The following PTGFRN variants were observed in gnomAD, a reference collection of about 807,000 sequenced individuals.
The protein encoded by PTGFRN is prostaglandin F2 receptor negative regulator.
A neutral mutation model predicts 83.2 loss-of-function variants in PTGFRN; 35 were observed. The observed-to-expected ratio is 0.42, with a 90% CI of 0.32 to 0.56. The LOEUF is 0.56. PTGFRN is among the 20% of genes least tolerant of loss of function. PTGFRN has a pLI of 0.11. For missense variants in PTGFRN, 1,051 were observed against 1,179.5 expected (o/e 0.89, Z 1.60); for synonymous variants, 519 against 498.6 (o/e 1.04, Z -0.55).
At chr1:116,940,338 T>A (rs1650029920) in intron 1 of PTGFRN, among the ~76,000 whole-genome samples, 1 of 152,218 alleles carries the variant, frequency 6.6e-6, no homozygotes, top group South Asian at 2.1e-4. Flanking sequence ...TGTAGACATA[T>A]CCACTTAATC....
At chr1:116,938,494 G>C (rs1474260438) in intron 1 of PTGFRN, among the ~76,000 whole-genome samples, 2 of 152,138 alleles carry the variant, frequency 1.3e-5, no homozygotes, top group African/African-American at 4.8e-5. Context: ...ATAACCATCA[G>C]ATCTCACGAG....
rs1650658133 is a variant in PTGFRN, at chr1:116,961,388, G to A, written c.1359G>A (p.Arg453=). 6.2e-7 allele frequency: 1 copy of A among 1,612,450 alleles called. No homozygotes were observed. Among genetic ancestry groups the A allele is most frequent in the African/African-American group, 1.3e-5 (1 of 74,856 alleles). The part of the protein sequence containing the change: ...FTVSWYYRMN[R]RSDNVVTSEL... ...TTTCGTGGTACTACAGGATGAACCG[G>A]CGCAGCGACAATGTGGTGACCAGCG... The change falls in exon 5 of 9, where the codon CGG becomes CGA. Residue 453 remains arginine (R), a synonymous_variant. Transcript: ENST00000393203. The surrounding 1 kb of genome is among the most constrained non-coding windows in gnomAD (Gnocchi z 5.4).
In PTGFRN at chr1:116,941,847, C is replaced by T. The variant is rs1557963384; in HGVS notation, c.182C>T (p.Ser61Leu). ...PSEQNFDWSF[S>L]SLGSSFVELA... ...GAGCAAAACTTTGACTGGAGCTTCT[C>T]ATCTTTGGGGAGCAGCTTTGTGGAG... Residue 61 changes from serine to leucine, a missense_variant, in exon 2 of 9, where the codon TCA becomes TTA. Ser to Leu is a moderately radical substitution (Grantham distance 145). Around this residue, in one of 3 missense-constraint regions of PTGFRN, gnomAD observed 127 missense variants for 168.4 expected, o/e 0.75. Transcript: ENST00000393203. The surrounding 1 kb of genome is among the most constrained non-coding windows in gnomAD (Gnocchi z 5.0). The T allele has an allele frequency of 3.7e-6, 6 of 1,614,052 alleles. No homozygotes were observed. The highest frequency in any genetic ancestry group is 4.2e-6 in the Non-Finnish European group (5 of 1,180,040).
intron 5 of PTGFRN, among the ~76,000 whole-genome samples, chr1:116,963,040 C>T (rs910631967): frequency 2.0e-5 from 3 of 152,170 alleles, no homozygotes; most frequent in South Asian, 2.1e-4. Context: ...CCCCTAGCTT[C>T]CTTCCCCTCT....
chr1:116,981,925 A>G (rs1270482091), intron 7 of PTGFRN, among the ~76,000 whole-genome samples: 3 of 152,218 alleles, frequency 2.0e-5, no homozygotes, highest in South Asian at 2.1e-4. Flanking sequence ...GGTAGGAAAC[A>G]GAAGGAGAGT....
intron 5 of PTGFRN, among the ~76,000 whole-genome samples, chr1:116,966,675 A>G (rs534841777): frequency 1.3e-5 from 2 of 152,378 alleles, no homozygotes; most frequent in East Asian, 1.9e-4. Context: ...AGTTCTCACC[A>G]TAATTTCCTC....
At position 116,949,278 on chromosome 1, in the gene PTGFRN, G is replaced by A. The variant is rs770830309; in HGVS notation, c.919G>A (p.Asp307Asn). Residue 307 changes from aspartate (D) to asparagine (N), a missense_variant, in exon 4 of 9, where the codon GAT becomes AAT. Physicochemically the swap from Asp to Asn is conservative, Grantham distance 23. This residue lies in a region of PTGFRN where 719 missense variants were observed against 836.6 expected (regional missense o/e 0.86). Transcript: ENST00000393203. ...LTCNITTDRA[D>N]DVRPEVTWSF... Reference sequence around the variant, plus strand: ...CTGTAACATCACAACAGACCGAGCCGATGACGTCCGGCCCGAGGTGACGTG... The same window carrying A: ...CTGTAACATCACAACAGACCGAGCCAATGACGTCCGGCCCGAGGTGACGTG... The A allele has an allele frequency of 4.3e-6, 7 of 1,614,118 alleles. No homozygotes were observed. The highest frequency in any genetic ancestry group is 1.6e-4 in the Middle Eastern group (1 of 6,084).
rs1441677595 is a variant in PTGFRN, at chr1:116,989,808, G to A, written c.*2841G>A. 7 of 152,580 alleles carry A rather than the reference G, an allele frequency of 4.6e-5. No homozygotes were observed. Among genetic ancestry groups the A allele is most frequent in the East Asian group, 1.9e-4 (1 of 5,190 alleles). The allele number at this position is 152,580 out of a possible 1,614,324, so 9.5% of individuals were successfully genotyped here. A position where few individuals can be genotyped will look rare whatever the true frequency, so the allele number is the denominator to read the frequency against. ...CTGGGCTAAATTTTAATTTAAAAAT[G>A]TATTTATTTGAGTGTCTTTCCCCCC... On this transcript the variant is annotated 3_prime_UTR_variant, in exon 9 of 9. Coordinates refer to ENST00000393203, the MANE Select transcript of PTGFRN (RefSeq NM_020440.4).
intron 6 of PTGFRN, among the ~76,000 whole-genome samples, chr1:116,972,589 C>G (rs897148383): frequency 3.9e-5 from 6 of 152,188 alleles, no homozygotes; most frequent in African/African-American, 1.4e-4. Context: ...TTGTTTCTTT[C>G]TGGCAATCTG....
chr1:116,957,233 G>A (rs779129162), intron 4 of PTGFRN, among the ~76,000 whole-genome samples: 7 of 151,918 alleles, frequency 4.6e-5, no homozygotes, highest in South Asian at 2.1e-4. Context: ...GGTTGTGAGC[G>A]TGCTGTAGTA....
intron 4 of PTGFRN, among the ~76,000 whole-genome samples, chr1:116,951,266 A>G (rs139092673): frequency 0.011 from 1,705 of 152,330 alleles, 92 homozygotes; most frequent in Admixed American, 0.1. Context: ...CTTTAACTGG[A>G]AGGGATTTGT....
rs549372760 is a variant in PTGFRN at position 116,986,856 on chromosome 1, C to T, written c.2529C>T (p.Ile843=). The part of the protein sequence containing the change: ...LLIGVGLSTV[I]GLLSCLIGYC... The stretch of plus-strand genomic sequence containing the variant: ...TCGGCGTCGGTCTGTCCACGGTCAT[C>T]GGGCTCCTGTCCTGTCTCATCGGGT... The change falls in exon 9 of 9, where the codon ATC becomes ATT. Residue 843 remains isoleucine, a synonymous_variant. Coordinates refer to ENST00000393203, the MANE Select transcript of PTGFRN (RefSeq NM_020440.4). 20 of 1,614,184 alleles carry T rather than the reference C, an allele frequency of 1.2e-5. No individual in the cohort carries two copies. The highest frequency in any genetic ancestry group is 8.8e-5 in the South Asian group (8 of 91,084).
chr1:116,986,926 C>T lies in PTGFRN; in HGVS notation c.2599C>T (p.Arg867Trp), dbSNP rs140355100. Residue 867 changes from arginine to tryptophan, a missense_variant, in exon 9 of 9, where the codon CGG becomes TGG. Arg to Trp is a moderately radical substitution (Grantham distance 101). Around this residue, in one of 3 missense-constraint regions of PTGFRN, gnomAD observed 719 missense variants for 836.6 expected, o/e 0.86. Transcript: ENST00000393203. Reference sequence around the variant, plus strand: ...TTGTAAGAAGGAGGTTCAGGAGACACGGCGCGAGCGCCGCAGGCTCATGTC... The same window carrying T: ...TTGTAAGAAGGAGGTTCAGGAGACATGGCGCGAGCGCCGCAGGCTCATGTC... ...WCCKKEVQET[R>W]RERRRLMSME... The T allele has an allele frequency of 6.5e-5, 105 of 1,614,124 alleles. No homozygotes were observed. The highest frequency in any genetic ancestry group is 4.9e-4 in the South Asian group (45 of 91,094).
Position 116,989,828 on chromosome 1 carries a change from C to G in PTGFRN, c.*2861C>G, listed in dbSNP as rs1219862083. ...AAAATGTATTTATTTGAGTGTCTTT[C>G]CCCCCCTCACCCTCACCATCTGAGG... is the stretch of plus-strand genomic sequence containing the variant. On this transcript the variant is annotated 3_prime_UTR_variant, in exon 9 of 9. Transcript: ENST00000393203. 6.6e-6 allele frequency: 1 copy of G among 152,438 alleles called. No homozygotes were observed. The highest frequency in any genetic ancestry group is 1.5e-5 in the Non-Finnish European group (1 of 67,972). 9.4% of individuals were successfully genotyped at this position (152,438 alleles called of 1,614,324 possible). A position where few individuals can be genotyped will look rare whatever the true frequency, so the allele number is the denominator to read the frequency against.
intron 1 of PTGFRN, among the ~76,000 whole-genome samples, chr1:116,915,567 G>A (rs191602106): frequency 3.9e-5 from 6 of 152,308 alleles, no homozygotes; most frequent in Non-Finnish European, 7.3e-5. Context: ...CTGCTGAATA[G>A]GAACTCTAGT....
chr1:116,966,363 A>G (rs1037259213), intron 5 of PTGFRN, among the ~76,000 whole-genome samples: 1 of 152,268 alleles, frequency 6.6e-6, no homozygotes, highest in Non-Finnish European at 1.5e-5. Flanking sequence ...TTTTAGCAAT[A>G]CATCTGTTCT....
intron 1 of PTGFRN, among the ~76,000 whole-genome samples, chr1:116,926,082 G>A (rs1223296328): frequency 1.3e-5 from 2 of 151,960 alleles, no homozygotes; most frequent in African/African-American, 4.8e-5. Flanking sequence ...AGTGTTGTTG[G>A]GGAGGAGGGG....
At chr1:116,956,520 C>T (rs968088224) in intron 4 of PTGFRN, among the ~76,000 whole-genome samples, 1 of 152,180 alleles carries the variant, frequency 6.6e-6, no homozygotes, top group Non-Finnish European at 1.5e-5. Flanking sequence ...AACTACTTAT[C>T]GAGCAGGTGG....
At chr1:116,940,200 C>G (rs1650025373) in intron 1 of PTGFRN, among the ~76,000 whole-genome samples, 1 of 152,206 alleles carries the variant, frequency 6.6e-6, no homozygotes, top group South Asian at 2.1e-4. Flanking sequence ...CTCACAATGC[C>G]AGAGGCCAGA....
Sources: gnomAD v4.1 joint callset for allele counts (sites outside exome capture counted in the v4.1 genomes callset) on GRCh38, gnomAD v4.1.1 for gene constraint, gnomAD v4.1.1 regional missense constraint, Gnocchi (gnomAD v3.1) non-coding constraint, MANE v1.5 for transcripts, NCBI Gene and HGNC (gene_info 2026-07-23, HGNC 2026-07-21) for gene names.